The following DHX9 variants were observed in gnomAD, a reference collection of about 807,000 sequenced individuals.
DHX9 encodes ATP-dependent RNA helicase A.
Under a neutral mutation model 148.7 loss-of-function variants are expected in DHX9, and 27 were observed. The observed-to-expected ratio is 0.18, with a 90% CI of 0.13 to 0.25. DHX9 has a LOEUF of 0.25. Ranked by LOEUF, DHX9 falls within the 10% of genes least tolerant of loss-of-function variation. The pLI is 1.00. For synonymous variants in DHX9, 529 were observed against 516.6 expected, an observed-to-expected ratio of 1.02 and a Z score of -0.33; for missense variants, 796 against 1,559.6, an observed-to-expected ratio of 0.51 and a Z score of 8.25.
At chr1:182,853,842 G>A (rs1314850250) in intron 5 of DHX9, among the ~76,000 whole-genome samples, 188 bp from the exon 6 acceptor site, 1 of 151,154 alleles carries the variant, frequency 6.6e-6, no homozygotes, top group Non-Finnish European at 1.5e-5. Flanking sequence ...CTAATAGCTT[G>A]TTTATATAAT....
At chr1:182,877,956 G>A (rs950719867) in intron 19 of DHX9, 65 bp from the exon 20 acceptor site, 10 of 1,566,694 alleles carry the variant, frequency 6.4e-6, no homozygotes, top group Non-Finnish European at 8.7e-6. Flanking sequence ...TCACTACTTA[G>A]TGGATATATA....
chr1:182,864,218 C>G (rs1471814471), intron 12 of DHX9, among the ~76,000 whole-genome samples: 1 of 152,154 alleles, frequency 6.6e-6, no homozygotes, highest in African/African-American at 2.4e-5. Flanking sequence ...TCCTGAGTAG[C>G]TGGGACTAGA....
In DHX9 at chr1:182,868,196, G is replaced by A. The variant is rs1648385870; in HGVS notation, c.1557+1153G>A. Among the ~76,000 whole-genome samples the A allele has an allele frequency of 2.0e-5, 3 of 152,068 alleles. No individual in the cohort carries two copies. In the South Asian group the frequency reaches 6.2e-4, roughly 32 times the overall value. On this transcript the variant is annotated intron_variant, in intron 14 of 27. Transcript: ENST00000367549. ...ATTGAATAGTACTCAGCAACAAAAA[G>A]AAAGTACTGATTCATCCATCAGTAT...
intron 14 of DHX9, among the ~76,000 whole-genome samples, chr1:182,867,530 G>A (rs1033735811): frequency 6.6e-6 from 1 of 152,168 alleles, no homozygotes; most frequent in Non-Finnish European, 1.5e-5. Context: ...AGCCTCCTGA[G>A]TAGCTGGGAC....
rs1183131183 is a variant in DHX9 at position 182,842,550 on chromosome 1, A to G, written c.-17A>G. ...ACTGACTTTTGTTTTCTTAGATCTG[A>G]AGAAGACACTTGAATCATGGGTGAC... On this transcript the variant is annotated 5_prime_UTR_variant, in exon 2 of 28. Coordinates refer to ENST00000367549, the MANE Select transcript of DHX9 (RefSeq NM_001357.5). 3 of 1,594,212 alleles carry G rather than the reference A, an allele frequency of 1.9e-6. No individual in the cohort carries two copies. Among genetic ancestry groups the G allele is most frequent in the Non-Finnish European group, 2.6e-6 (3 of 1,165,076 alleles).
chr1:182,858,289 T>G (rs373996733), intron 8 of DHX9, 49 bp downstream of exon 8: 1,009 of 1,584,766 alleles, frequency 6.4e-4, no homozygotes, highest in Non-Finnish European at 8.1e-4. Flanking sequence ...AGATTCAATT[T>G]AGCTCTTGTT....
At chr1:182,879,186 A>G (rs1226571567) in intron 20 of DHX9, 64 bp from the exon 21 acceptor site, 14 of 1,329,528 alleles carry the variant, frequency 1.1e-5, no homozygotes, top group African/African-American at 1.5e-5. Context: ...CCTTGCTGCA[A>G]AAAGTTTATT....
chr1:182,858,552 T>C lies in DHX9; in HGVS notation c.812T>C (p.Val271Ala). 1 of 1,607,230 alleles carries C rather than the reference T, an allele frequency of 6.2e-7. No homozygotes were observed. Among genetic ancestry groups the C allele is most frequent in the Non-Finnish European group, 8.5e-7 (1 of 1,175,620 alleles). The change falls in exon 9 of 28, where the codon GTG (valine) becomes GCG (alanine). Residue 271 changes from valine to alanine, a missense_variant and splice_region_variant. Val to Ala is a moderately conservative substitution (Grantham distance 64). Transcript: ENST00000367549. ...GLTKKKEGETVEPYKVNLSQD... is the reference protein window; with the variant it reads ...GLTKKKEGETAEPYKVNLSQD... ...TAATGTGTGATCCTTTTTCCATAGGTGGAGCCTTACAAAGTAAACCTCTCT... is the reference window on the plus strand; with the variant it reads ...TAATGTGTGATCCTTTTTCCATAGGCGGAGCCTTACAAAGTAAACCTCTCT...
chr1:182,859,537 CTTT>C (rs1343814741), intron 11 of DHX9, among the ~76,000 whole-genome samples: 1 of 151,964 alleles, frequency 6.6e-6, no homozygotes, highest in Non-Finnish European at 1.5e-5. Context: ...TATACACATT[CTTT>C]TTTGAAAAAA....
chr1:182,841,141 A>G (rs886203189), intron 1 of DHX9, among the ~76,000 whole-genome samples: 1 of 152,108 alleles, frequency 6.6e-6, no homozygotes, highest in African/African-American at 2.4e-5. Flanking sequence ...AATACAAAAA[A>G]TTAGCTGGGC....
At chr1:182,884,942 A>C in intron 27 of DHX9, 129 bp downstream of exon 27, 6 of 777,938 alleles carry the variant, frequency 7.7e-6, no homozygotes, top group Non-Finnish European at 1.2e-5. Flanking sequence ...AGAGCTATAT[A>C]GATAGAGAGT....
intron 12 of DHX9, among the ~76,000 whole-genome samples, chr1:182,862,228 A>G (rs1668374466): frequency 6.6e-6 from 1 of 152,146 alleles, no homozygotes; most frequent in African/African-American, 2.4e-5. Context: ...CCTGATTTTA[A>G]GTGTATTATC....
chr1:182,856,565 G>A lies in DHX9; in HGVS notation c.660G>A (p.Lys220=). ...TTGCAGAAATGACCATTTATATCAAGCAGCTGGGCAGAAGTAAGTGTTACT... is the reference window on the plus strand; with the variant it reads ...TTGCAGAAATGACCATTTATATCAAACAGCTGGGCAGAAGTAAGTGTTACT... ...SFIAEMTIYI[K]QLGRRIFARE... Residue 220 remains lysine, a synonymous_variant, in exon 7 of 28, where the codon AAG becomes AAA. Transcript: ENST00000367549. The A allele has an allele frequency of 1.2e-6, 2 of 1,613,898 alleles. No individual in the cohort carries two copies. Among genetic ancestry groups the A allele is most frequent in the Non-Finnish European group, 1.7e-6 (2 of 1,179,858 alleles).
rs59218081 is a variant in DHX9 at position 182,868,520 on chromosome 1, C to CT, written c.1557+1491dup. The stretch of plus-strand genomic sequence containing the variant: ...GATAATCTAACACTTATTTTAATTC[C>CT]TTTTTTTTTTTTTTGAGGAGTCTTG... On this transcript the variant is annotated intron_variant, in intron 14 of 27. Coordinates refer to ENST00000367549, the MANE Select transcript of DHX9 (RefSeq NM_001357.5). Among the ~76,000 whole-genome samples the CT allele has an allele frequency of 6.1e-3, 783 of 127,460 alleles. 11 individuals are homozygous for CT. The highest frequency in any genetic ancestry group is 7.7e-3 in the Non-Finnish European group (494 of 63,820). The allele number at this position is 127,460 out of a possible 152,430, so 83.6% of individuals were successfully genotyped here.
intron 6 of DHX9, 51 bp from the exon 7 acceptor site, chr1:182,856,481 G>C (rs1668252677): frequency 6.5e-7 from 1 of 1,547,766 alleles, no homozygotes; most frequent in South Asian, 1.1e-5. Flanking sequence ...ACCTGGATTT[G>C]CTGGTTTCTA....
chr1:182,859,700 C>A (rs762077925), intron 11 of DHX9, among the ~76,000 whole-genome samples: 1 of 152,116 alleles, frequency 6.6e-6, no homozygotes, highest in Non-Finnish European at 1.5e-5. Flanking sequence ...GCACCCTCCG[C>A]CTCCTTGGTT....
At chr1:182,855,753 T>C (rs1668239939) in intron 6 of DHX9, 1 of 985,150 alleles carries the variant, frequency 1.0e-6, no homozygotes, top group Non-Finnish European at 1.2e-6. Context: ...CTAACATTTA[T>C]TTTTTTCTTA....
At chr1:182,881,191 C>G (rs763751353) in intron 22 of DHX9, 73 bp from the exon 23 acceptor site, 2 of 1,477,864 alleles carry the variant, frequency 1.4e-6, no homozygotes, top group Non-Finnish European at 9.1e-7. Context: ...AACCCACAGT[C>G]GACAGTCCTA....
At chr1:182,854,800 C>T (rs1348299599) in intron 6 of DHX9, among the ~76,000 whole-genome samples, 1 of 152,102 alleles carries the variant, frequency 6.6e-6, no homozygotes, top group Non-Finnish European at 1.5e-5. Context: ...GTTTCTCAGC[C>T]TGCTTGCTGT....
Sources: allele counts gnomAD v4.1 joint callset (sites outside exome capture counted in the v4.1 genomes callset), GRCh38; gene constraint gnomAD v4.1.1; transcripts MANE v1.5; gene names NCBI Gene and HGNC (gene_info 2026-07-23, HGNC 2026-07-21).